GPHN: variants seen among roughly 807,000 people sequenced by gnomAD.
GPHN encodes the protein gephyrin.
GPHN carries 17 observed loss-of-function variants against 95.5 expected under a neutral mutation model. The ratio of observed to expected loss-of-function variants is 0.18; its 90% CI spans 0.12 to 0.27. GPHN has a LOEUF of 0.27. GPHN is among the 10% of genes least tolerant of loss of function. GPHN has a pLI of 1.00. For missense variants in GPHN, 660 were observed against 978.1 expected, an observed-to-expected ratio of 0.67 and a Z score of 4.34; for synonymous variants, 320 against 322.5, an observed-to-expected ratio of 0.99 and a Z score of 0.08.
intron 21 of GPHN, among the ~76,000 whole-genome samples, chr14:67,177,428 CT>C (rs1299243932): frequency 6.6e-6 from 1 of 152,184 alleles, no homozygotes; most frequent in East Asian, 1.9e-4. Context: ...TTTGATTGCA[CT>C]GTGATCTGAG....
chr14:67,238,461 G>A, the GPHN span, among the ~76,000 whole-genome samples: 9 of 151,420 alleles, frequency 5.9e-5, no homozygotes, highest in Non-Finnish European at 2.9e-5. Context: ...GTAGAGACGG[G>A]GTCTCCCCAT....
rs193157553 is a variant in GPHN at position 66,657,118 on chromosome 14, C to G, written c.65-23989C>G. 2.3e-3 allele frequency among the ~76,000 whole-genome samples: 354 copies of G among 152,310 alleles called. 1 individual carries two copies. The highest frequency in any genetic ancestry group is 4.0e-3 in the Non-Finnish European group (270 of 68,014). On this transcript the variant is annotated intron_variant, in intron 1 of 22. Transcript: ENST00000478722. ...ACACATGAATGATAAGAAAGTAAAA[C>G]AGCTTAATTGCTAATAAAGAGATAA... is the stretch of plus-strand genomic sequence containing the variant.
At chr14:66,755,305 C>G (rs980025032) in intron 2 of GPHN, among the ~76,000 whole-genome samples, 1 of 152,076 alleles carries the variant, frequency 6.6e-6, no homozygotes. Context: ...TCTATTAGAG[C>G]ATAACTGCAT....
rs566375272 is a variant in GPHN, at chr14:66,865,223, T to C, written c.295-14716T>C. 1.3e-3 allele frequency among the ~76,000 whole-genome samples: 195 copies of C among 152,082 alleles called. 1 individual carries two copies. Among genetic ancestry groups the C allele is most frequent in the Non-Finnish European group, 2.2e-3 (152 of 67,974 alleles). ...TGACTGTAGTCAATAATAATTTAAT[T>C]ATATATTTTTAAATAAAAAATATAA... On this transcript the variant is annotated intron_variant, in intron 4 of 22. Coordinates refer to ENST00000478722, the MANE Select transcript of GPHN (RefSeq NM_020806.5).
the GPHN span, chr14:67,647,292 C>G: frequency 2.9e-6 from 1 of 344,624 alleles, no homozygotes; most frequent in Non-Finnish European, 5.3e-6. Context: ...TCTGAGATGA[C>G]AAGCATTTAT....
At chr14:66,708,656 G>A (rs2069326038) in intron 2 of GPHN, among the ~76,000 whole-genome samples, 1 of 152,150 alleles carries the variant, frequency 6.6e-6, no homozygotes, top group African/African-American at 2.4e-5. Flanking sequence ...AATTTACTGA[G>A]TCTGAGAGAT....
At chr14:66,607,761 CTA>C (rs1389008248) in intron 1 of GPHN, among the ~76,000 whole-genome samples, 2 of 151,668 alleles carry the variant, frequency 1.3e-5, no homozygotes, top group African/African-American at 4.8e-5. Flanking sequence ...TTTATTTCCT[CTA>C]GATTTCTTAT....
chr14:66,791,791 C>T (rs769289040), intron 3 of GPHN, among the ~76,000 whole-genome samples: 8 of 152,186 alleles, frequency 5.3e-5, no homozygotes, highest in Admixed American at 3.9e-4. Flanking sequence ...GTATCTTGTG[C>T]TGACCCCCTA....
intron 9 of GPHN, among the ~76,000 whole-genome samples, chr14:67,009,164 C>A (rs769215376): frequency 6.6e-6 from 1 of 151,076 alleles, no homozygotes; most frequent in Non-Finnish European, 1.5e-5. Flanking sequence ...CTAGTTATTT[C>A]TTTTCCTTTC....
the GPHN span, among the ~76,000 whole-genome samples, chr14:67,680,615 C>T: frequency 3.3e-5 from 5 of 152,256 alleles, no homozygotes; most frequent in East Asian, 1.9e-4. Flanking sequence ...CACGCCACCA[C>T]GCCTGGCTAA....
the GPHN span, chr14:67,562,914 C>A: frequency 1.2e-6 from 2 of 1,604,912 alleles, no homozygotes; most frequent in Non-Finnish European, 1.7e-6. Flanking sequence ...AACCTCCGGG[C>A]TGGGCAGAGG....
intron 1 of GPHN, 41 bp from the exon 2 acceptor site, chr14:66,681,066 A>G (rs1395575617): frequency 1.7e-6 from 2 of 1,180,210 alleles, no homozygotes; most frequent in African/African-American, 1.5e-5. Context: ...TGAAATGTAG[A>G]CAAAAATTAA....
At chr14:67,409,416 T>C in the GPHN span, among the ~76,000 whole-genome samples, 1 of 152,196 alleles carries the variant, frequency 6.6e-6, no homozygotes, top group Non-Finnish European at 1.5e-5. Flanking sequence ...CTCTTTGTTA[T>C]AAAGCTTTTA....
rs2068675898 is a variant in GPHN at position 66,958,399 on chromosome 14, A to G, written c.829-6792A>G. On this transcript the variant is annotated intron_variant, in intron 8 of 22. Transcript: ENST00000478722. The stretch of plus-strand genomic sequence containing the variant: ...GATCTAATTTGAATCTCTTGTAGAT[A>G]GCATAGACAATCATACTCCACTTAA... Among the ~76,000 whole-genome samples the G allele has an allele frequency of 2.0e-5, 3 of 152,212 alleles. 1 individual carries two copies. In the South Asian group the frequency reaches 6.2e-4, roughly 32 times the overall value.
intron 1 of GPHN, among the ~76,000 whole-genome samples, chr14:66,568,833 AT>A (rs1172394889): frequency 6.6e-6 from 1 of 152,058 alleles, no homozygotes; most frequent in Non-Finnish European, 1.5e-5. Context: ...AATATATTGA[AT>A]TTTTATATTT....
At chr14:67,577,363 C>T in the GPHN span, 5 of 1,591,424 alleles carry the variant, frequency 3.1e-6, no homozygotes, top group African/African-American at 2.7e-5. Flanking sequence ...ACGCCTCCCT[C>T]ACCACCCTGC....
chr14:67,578,991 TC>T, the GPHN span: 1 of 654,114 alleles, frequency 1.5e-6, no homozygotes, highest in Non-Finnish European at 2.7e-6. The surrounding 1 kb of genome is among the most constrained non-coding windows in gnomAD (Gnocchi z 5.0). Context: ...CAAATTAATG[TC>T]CCAGACCAGA....
At chr14:67,000,826 G>A (rs1198060493) in intron 9 of GPHN, among the ~76,000 whole-genome samples, 2 of 151,306 alleles carry the variant, frequency 1.3e-5, no homozygotes, top group African/African-American at 4.8e-5. Flanking sequence ...TGTTTGACAG[G>A]GATATTTGAT....
At chr14:67,353,655 A>T in the GPHN span, 47,284 of 151,640 alleles carry the variant, frequency 0.31, 11,281 homozygotes, top group African/African-American at 0.64. Flanking sequence ...GCCCAGCTAT[A>T]TTTTTTTGTA....
Sources: gnomAD v4.1 joint callset for allele counts (sites outside exome capture counted in the v4.1 genomes callset) on GRCh38, gnomAD v4.1.1 for gene constraint, Gnocchi (gnomAD v3.1) non-coding constraint, MANE v1.5 for transcripts, NCBI Gene and HGNC (gene_info 2026-07-23, HGNC 2026-07-21) for gene names.